Variants in MYRFL observed in about 807,000 individuals in gnomAD.
The protein encoded by MYRFL is myelin regulatory factor like, also known as myelin regulatory factor-like protein.
In MYRFL, 88 loss-of-function variants were observed where a neutral mutation model predicts 109.4. That is an observed-to-expected ratio of 0.80 (90% CI 0.68 to 0.96). The LOEUF (loss-of-function observed/expected upper bound fraction) is 0.96, where lower values mean the gene tolerates loss of function less well. MYRFL is among the 40% of genes least tolerant of loss of function. The probability of loss-of-function intolerance (pLI) is 0.00; values close to 1 mark genes in which losing one functional copy is unlikely to be tolerated. For synonymous variants in MYRFL, 324 were observed against 320.9 expected (o/e 1.01, Z -0.10); for missense variants, 957 against 954.9 (o/e 1.00, Z -0.03).
chr12:69,827,336 G>C (rs1453113987), intron 1 of MYRFL, among the ~76,000 whole-genome samples: 2 of 151,810 alleles, frequency 1.3e-5, no homozygotes, highest in African/African-American at 4.8e-5. Flanking sequence ...AGCTCATGAT[G>C]ATCTTAGTTT....
intron 13 of MYRFL, among the ~76,000 whole-genome samples, chr12:69,923,991 C>A (rs1954991354): frequency 2.0e-5 from 3 of 151,938 alleles, no homozygotes; most frequent in African/African-American, 4.8e-5. Flanking sequence ...AGATCAAGAC[C>A]ATCCTGGCTA....
chr12:69,929,372 G>A (rs1360991960), intron 15 of MYRFL, among the ~76,000 whole-genome samples: 3 of 152,160 alleles, frequency 2.0e-5, no homozygotes, highest in Non-Finnish European at 2.9e-5. Context: ...AAAATACAAA[G>A]AACAGTTGTA....
At chr12:69,901,790 G>A (rs1029319556) in intron 10 of MYRFL, among the ~76,000 whole-genome samples, 2 of 151,836 alleles carry the variant, frequency 1.3e-5, no homozygotes, top group African/African-American at 4.8e-5. Flanking sequence ...CTTTGTTCAA[G>A]TAAATTTACA....
chr12:69,929,711 C>T (rs747343203), intron 15 of MYRFL, among the ~76,000 whole-genome samples: 3 of 152,172 alleles, frequency 2.0e-5, no homozygotes, highest in Non-Finnish European at 4.4e-5. Context: ...TGGTTAAGAG[C>T]ATAGATTCTG....
At chr12:69,952,944 GTTT>G in intron 21 of MYRFL, 58 bp downstream of exon 21, 2 of 1,238,548 alleles carry the variant, frequency 1.6e-6, no homozygotes, top group South Asian at 1.4e-5. Context: ...ATGGCTCTGG[GTTT>G]TTAAGACTGC....
At chr12:69,857,770 C>T (rs1338004146) in intron 2 of MYRFL, among the ~76,000 whole-genome samples, 1 of 151,226 alleles carries the variant, frequency 6.6e-6, no homozygotes, top group East Asian at 1.9e-4. Flanking sequence ...ATATATATTT[C>T]TTGGGATATT....
chr12:69,905,786 T>A (rs1464221569), intron 11 of MYRFL, among the ~76,000 whole-genome samples: 1 of 152,212 alleles, frequency 6.6e-6, no homozygotes, highest in Non-Finnish European at 1.5e-5. Context: ...CTGTGCACAT[T>A]TTTGAGATAT....
chr12:69,890,760 G>A (rs1360800351), intron 6 of MYRFL, among the ~76,000 whole-genome samples: 2 of 152,092 alleles, frequency 1.3e-5, no homozygotes, highest in Admixed American at 1.3e-4. Flanking sequence ...ACTTCTTTGT[G>A]AGAAAATAAA....
chr12:69,849,070 C>A (rs1369209181), intron 1 of MYRFL, among the ~76,000 whole-genome samples: 4 of 152,142 alleles, frequency 2.6e-5, no homozygotes, highest in Non-Finnish European at 5.9e-5. Flanking sequence ...CAGGGTTTCA[C>A]CATGTTTGCC....
In MYRFL at chr12:69,923,605, A is replaced by G. The variant is rs1189154717; in HGVS notation, c.1603-2966A>G. Among the ~76,000 whole-genome samples, 3 of 152,106 alleles carry G rather than the reference A, an allele frequency of 2.0e-5. No individual in the cohort carries two copies. The South Asian group carries it at 6.2e-4, about 32-fold the overall frequency. On this transcript the variant is annotated intron_variant, in intron 13 of 24. Transcript: ENST00000552032. ...TTTTATCCAAATATATATGTGTGCT[A>G]TCTATGTGTGTATAATCCATCACTA...
At chr12:69,903,254 C>T (rs1954247164) in intron 10 of MYRFL, among the ~76,000 whole-genome samples, 1 of 152,090 alleles carries the variant, frequency 6.6e-6, no homozygotes, top group Admixed American at 6.5e-5. Flanking sequence ...CTTTAGTACA[C>T]CTGTAATATT....
At chr12:69,901,883 G>GTTTTTTTTTTTTTT (rs1274815385) in intron 10 of MYRFL, among the ~76,000 whole-genome samples, 1 of 75,336 alleles carries the variant, frequency 1.3e-5, no homozygotes, top group Non-Finnish European at 3.1e-5. Context: ...TTTCACTGCT[G>GTTTTTTTTTTTTTT]TTTTTTTTTG....
chr12:69,934,343 G>A (rs1955378202), intron 16 of MYRFL, among the ~76,000 whole-genome samples: 1 of 152,230 alleles, frequency 6.6e-6, no homozygotes, highest in Admixed American at 6.5e-5. Flanking sequence ...TCACCCCAAG[G>A]GGAATGGGGC....
intron 5 of MYRFL, among the ~76,000 whole-genome samples, chr12:69,880,951 GTT>G (rs71094746): frequency 0.049 from 5,483 of 112,612 alleles, 310 homozygotes; most frequent in African/African-American, 0.15. Flanking sequence ...CAGCCTTCCT[GTT>G]TTTTTTTTTT....
chr12:69,952,225 C>T (rs1955995457), intron 20 of MYRFL, 50 bp downstream of exon 20: 1 of 1,476,842 alleles, frequency 6.8e-7, no homozygotes, highest in Non-Finnish European at 9.1e-7. Context: ...GGGGCCAGGC[C>T]AACTAACAAG....
chr12:69,957,701 G>T (rs746701589), intron 22 of MYRFL, 121 bp from the exon 23 acceptor site: 10 of 1,238,414 alleles, frequency 8.1e-6, no homozygotes, highest in Non-Finnish European at 1.1e-5. Context: ...AATGCCTATT[G>T]TGAACTTTGA....
At chr12:69,928,389 C>T (rs1358233624) in intron 15 of MYRFL, among the ~76,000 whole-genome samples, 7 of 152,230 alleles carry the variant, frequency 4.6e-5, no homozygotes, top group Non-Finnish European at 2.9e-5. Context: ...CTACAAAACT[C>T]AGCTTGCTCC....
At position 69,952,899 on chromosome 12, in the gene MYRFL, C is replaced by T. The variant is rs1956015375; in HGVS notation, c.2375+13C>T. 1 of 1,503,982 alleles carries T rather than the reference C, an allele frequency of 6.6e-7. No homozygotes were observed. Among genetic ancestry groups the T allele is most frequent in the African/African-American group, 1.4e-5 (1 of 72,072 alleles). The allele number at this position is 1,503,982 out of a possible 1,614,324, so 93.2% of individuals were successfully genotyped here. A position where few individuals can be genotyped will look rare whatever the true frequency, so the allele number is the denominator to read the frequency against. ...GCCTCCAGTGCGGGTAGGTAAGCCT[C>T]CCCAGCATGCCCTGGTTGTTTCTGG... On this transcript the variant is annotated intron_variant, in intron 21 of 24. Transcript: ENST00000552032.
intron 2 of MYRFL, among the ~76,000 whole-genome samples, chr12:69,876,520 A>T (rs1885674118): frequency 6.6e-6 from 1 of 151,840 alleles, no homozygotes; most frequent in South Asian, 2.1e-4. Context: ...AGCATTCCCT[A>T]TTTATCTGGT....
Sources: gnomAD v4.1 joint callset for allele counts (sites outside exome capture counted in the v4.1 genomes callset) on GRCh38, gnomAD v4.1.1 for gene constraint, MANE v1.5 for transcripts, NCBI Gene and HGNC (gene_info 2026-07-23, HGNC 2026-07-21) for gene names.